CNOT10: variants seen among roughly 807,000 people sequenced by gnomAD.
The protein encoded by CNOT10 is CCR4-NOT transcription complex subunit 10.
CNOT10 carries 30 observed loss-of-function variants against 94.6 expected under a neutral mutation model. That is an observed-to-expected ratio of 0.32 (90% CI 0.24 to 0.43). CNOT10 has a LOEUF of 0.43. Ranked by LOEUF, CNOT10 falls within the 20% of genes least tolerant of loss-of-function variation. CNOT10 has a pLI of 1.00. For synonymous variants in CNOT10, 289 were observed against 301.6 expected (o/e 0.96, Z 0.43); for missense variants, 759 against 877.2 (o/e 0.87, Z 1.70).
intron 3 of CNOT10, among the ~76,000 whole-genome samples, chr3:32,708,174 A>G (rs1018350680): frequency 6.6e-6 from 1 of 152,166 alleles, no homozygotes; most frequent in Non-Finnish European, 1.5e-5. Flanking sequence ...CTGGGATTAC[A>G]GGCATGAGCT....
intron 13 of CNOT10, among the ~76,000 whole-genome samples, chr3:32,747,387 C>T (rs1699746418): frequency 6.6e-6 from 1 of 152,236 alleles, no homozygotes; most frequent in South Asian, 2.1e-4. Context: ...GGTGCCATTG[C>T]ACTCCAGCCT....
chr3:32,773,132 A>G (rs186239512), intron 18 of CNOT10, among the ~76,000 whole-genome samples: 1 of 152,216 alleles, frequency 6.6e-6, no homozygotes, highest in East Asian at 1.9e-4. Context: ...CTCCCAAAGT[A>G]CTAGGGTTAC....
In CNOT10 at chr3:32,725,536, A is replaced by T. The variant is rs1698627011; in HGVS notation, c.949A>T (p.Lys317Ter). Residue 317 changes from lysine to a stop codon, truncating the protein, a stop_gained, in exon 9 of 19, where the codon AAA (lysine) becomes TAA (stop). Transcript: ENST00000328834. LOFTEE classifies it high-confidence loss of function. Reference protein sequence around the residue: ...SKHNLGIFYFKKALQENDNVC... With the variant: ...SKHNLGIFYF ...GCACAATTTGGGAATATTCTACTTT[A>T]AAAAGGCTCTGCAAGAGAATGACAA... The T allele has an allele frequency of 6.2e-7, 1 of 1,613,656 alleles. No individual in the cohort carries two copies. Among genetic ancestry groups the T allele is most frequent in the Admixed American group, 1.7e-5 (1 of 59,976 alleles).
At chr3:32,732,807 A>G (rs1264443449) in intron 10 of CNOT10, among the ~76,000 whole-genome samples, 1 of 152,198 alleles carries the variant, frequency 6.6e-6, no homozygotes, top group Non-Finnish European at 1.5e-5. Flanking sequence ...GTAGTGAGAT[A>G]ATACATCTTA....
At chr3:32,738,421 T>A (rs1373213352) in intron 13 of CNOT10, among the ~76,000 whole-genome samples, 3 of 152,106 alleles carry the variant, frequency 2.0e-5, no homozygotes, top group Non-Finnish European at 4.4e-5. Context: ...TTTTTGATAA[T>A]GAATTCAACT....
chr3:32,723,235 T>C (rs1318103972), intron 8 of CNOT10, among the ~76,000 whole-genome samples: 1 of 151,484 alleles, frequency 6.6e-6, no homozygotes, highest in African/African-American at 2.4e-5. Flanking sequence ...CTACTAAAAA[T>C]ACAAAAAATT....
intron 4 of CNOT10, among the ~76,000 whole-genome samples, chr3:32,709,560 G>A (rs1169116557): frequency 6.6e-6 from 1 of 152,208 alleles, no homozygotes; most frequent in African/African-American, 2.4e-5. Flanking sequence ...TTTGGGAAGA[G>A]GTAGAGAGTC....
At chr3:32,754,496 A>ATG (rs1700130329) in intron 13 of CNOT10, among the ~76,000 whole-genome samples, 1 of 99,310 alleles carries the variant, frequency 1.0e-5, no homozygotes, top group Non-Finnish European at 1.9e-5. Context: ...AAAAATACAT[A>ATG]TATATATATA....
At position 32,740,840 on chromosome 3, in the gene CNOT10, C is replaced by G. The variant is rs144213294; in HGVS notation, c.1595+3350C>G. 9.6e-3 allele frequency among the ~76,000 whole-genome samples: 1,408 copies of G among 147,158 alleles called. 28 individuals are homozygous for G. The highest frequency in any genetic ancestry group is 0.033 in the African/African-American group (1,328 of 39,990). ...TCGCACCACTGCACTCCAGCCTGGA[C>G]GACAGAGCGAGACTCCGTCTTAAAA... On this transcript the variant is annotated intron_variant, in intron 13 of 18. Transcript: ENST00000328834.
intron 3 of CNOT10, among the ~76,000 whole-genome samples, chr3:32,707,611 C>G (rs1318012125): frequency 6.6e-6 from 1 of 152,060 alleles, no homozygotes; most frequent in Non-Finnish European, 1.5e-5. Flanking sequence ...CAAGACCAGC[C>G]TGGCCAACAT....
intron 8 of CNOT10, among the ~76,000 whole-genome samples, chr3:32,724,440 T>G (rs1698570662): frequency 1.4e-5 from 2 of 142,676 alleles, no homozygotes; most frequent in Non-Finnish European, 3.0e-5. Context: ...TGAGACGGAG[T>G]CTTGCTCTGT....
At chr3:32,739,087 G>A (rs1181811829) in intron 13 of CNOT10, among the ~76,000 whole-genome samples, 1 of 151,848 alleles carries the variant, frequency 6.6e-6, no homozygotes, top group Non-Finnish European at 1.5e-5. Flanking sequence ...TGTGTTTTTA[G>A]TAGAGACGGG....
intron 14 of CNOT10, among the ~76,000 whole-genome samples, 183 bp from the exon 15 acceptor site, chr3:32,762,550 C>A (rs1170141158): frequency 2.6e-5 from 4 of 152,126 alleles, no homozygotes; most frequent in Non-Finnish European, 4.4e-5. Context: ...AGATTAAAGG[C>A]ATGAGCCACT....
intron 8 of CNOT10, among the ~76,000 whole-genome samples, chr3:32,724,155 A>G (rs1370466919): frequency 6.6e-6 from 1 of 152,142 alleles, no homozygotes; most frequent in East Asian, 1.9e-4. Context: ...CCAAACATGA[A>G]AAGATGCTTA....
intron 13 of CNOT10, chr3:32,753,090 GTGTTGC>G (rs1307243737): frequency 3.0e-5 from 16 of 533,042 alleles, no homozygotes; most frequent in African/African-American, 5.8e-5. Flanking sequence ...TGTAATTACT[GTGTTGC>G]TGTTGCTGAT....
intron 1 of CNOT10, among the ~76,000 whole-genome samples, chr3:32,701,439 A>G (rs1697341675): frequency 1.3e-5 from 2 of 152,140 alleles, no homozygotes; most frequent in African/African-American, 4.8e-5. Flanking sequence ...ACAATGACCT[A>G]ATGATATCGT....
rs190443883 is a variant in CNOT10, at chr3:32,757,256, C to T, written c.1596-2202C>T. On this transcript the variant is annotated intron_variant, in intron 13 of 18. Coordinates refer to ENST00000328834, the MANE Select transcript of CNOT10 (RefSeq NM_015442.3). ...GCGCAATGGCGTGATCTCAGCTTAC[C>T]GCAACCTCCACCTTCCAGGTTCAAG... 7.0e-5 allele frequency among the ~76,000 whole-genome samples: 8 copies of T among 114,638 alleles called. No individual in the cohort carries two copies. In the East Asian group the frequency reaches 2.2e-3, roughly 31 times the overall value. The allele number at this position is 114,638 out of a possible 152,430, so 75.2% of individuals were successfully genotyped here.
chr3:32,687,861 G>C (rs1478604046), intron 1 of CNOT10: 2 of 152,220 alleles, frequency 1.3e-5, no homozygotes, highest in Non-Finnish European at 2.9e-5. Context: ...GCAAAGCATT[G>C]TGTTTTTTGA....
At chr3:32,695,517 G>T in intron 1 of CNOT10, 3 of 1,461,184 alleles carry the variant, frequency 2.1e-6, no homozygotes, top group Non-Finnish European at 2.7e-6. Flanking sequence ...TTAACATTCT[G>T]TATTGGAATG....
Sources: gnomAD v4.1 joint callset for allele counts (sites outside exome capture counted in the v4.1 genomes callset) on GRCh38, gnomAD v4.1.1 for gene constraint, MANE v1.5 for transcripts, NCBI Gene and HGNC (gene_info 2026-07-23, HGNC 2026-07-21) for gene names.